The following BRCA2 variants were observed in gnomAD, a reference collection of about 807,000 sequenced individuals.
BRCA2 encodes breast cancer type 2 susceptibility protein.
In BRCA2, 203 loss-of-function variants were observed where a neutral mutation model predicts 276.7. The observed-to-expected ratio is 0.73, with a 90% confidence interval of 0.65 to 0.82. The LOEUF (loss-of-function observed/expected upper bound fraction) is 0.82, where lower values mean the gene tolerates loss of function less well. Ranked by LOEUF, BRCA2 falls within the 40% of genes least tolerant of loss-of-function variation. The probability of loss-of-function intolerance (pLI) is 0.00; values close to 1 mark genes in which losing one functional copy is unlikely to be tolerated. For synonymous variants in BRCA2, 1,289 were observed against 1,338.4 expected (o/e 0.96, Z 0.81); for missense variants, 3,920 against 3,915.0 (o/e 1.00, Z -0.03).
At chr13:32,325,258 T>A (rs2072336160) in intron 4 of BRCA2, 74 bp downstream of exon 4, 2 of 1,167,108 alleles carry the variant, frequency 1.7e-6, no homozygotes, top group East Asian at 2.6e-5. Context: ...TAAAGATGAA[T>A]CTGATTTTTA....
Position 32,379,453 on chromosome 13 carries a change from G to C in BRCA2, c.8891G>C (p.Arg2964Thr), listed in dbSNP as rs1555288392. The change falls in exon 22 of 27, where the codon AGG becomes ACG. Residue 2964 changes from arginine to threonine, a missense_variant. Physicochemically the swap from Arg to Thr is moderately conservative, Grantham distance 71 (BLOSUM62 -1). This residue lies in a region of BRCA2 where 657 missense variants were observed against 758.2 expected (regional missense o/e 0.87). Coordinates refer to ENST00000380152, the MANE Select transcript of BRCA2 (RefSeq NM_000059.4). ...GAACAAAAGGAACAAGGTTTATCAA[G>C]GGATGTCACAACCGTGTGGAAGTTG... ...SAEQKEQGLS[R>T]DVTTVWKLRI... 6.2e-7 allele frequency: 1 copy of C among 1,613,368 alleles called. No homozygotes were observed. Among genetic ancestry groups the C allele is most frequent in the East Asian group, 2.2e-5 (1 of 44,844 alleles).
In BRCA2 at chr13:32,338,871, T is replaced by C. The variant is rs876659011; in HGVS notation, c.4516T>C (p.Phe1506Leu). ...PVGTGNQLVT[F>L]QGQPERDEKI... The stretch of plus-strand genomic sequence containing the variant: ...TGGTACTGGAAATCAACTAGTGACC[T>C]TCCAGGGACAACCCGAACGTGATGA... Residue 1506 changes from phenylalanine to leucine, a missense_variant, in exon 11 of 27, where the codon TTC becomes CTC. By Grantham distance (22) the Phe-to-Leu change is conservative (BLOSUM62 0). This residue lies in a region of BRCA2 where 3,263 missense variants were observed against 3,156.9 expected (regional missense o/e 1.03). Coordinates refer to ENST00000380152, the MANE Select transcript of BRCA2 (RefSeq NM_000059.4). 3 of 1,613,958 alleles carry C rather than the reference T, an allele frequency of 1.9e-6. No homozygotes were observed. The highest frequency in any genetic ancestry group is 1.6e-4 in the Middle Eastern group (1 of 6,062).
intron 24 of BRCA2, 110 bp from the exon 25 acceptor site, chr13:32,394,578 TA>T: frequency 1.5e-6 from 2 of 1,326,390 alleles, no homozygotes; most frequent in Non-Finnish European, 2.1e-6. Context: ...GATTTGCTTT[TA>T]TTATTAGCAT....
At chr13:32,362,310 A>T (rs952852090) in intron 16 of BRCA2, among the ~76,000 whole-genome samples, 1 of 152,218 alleles carries the variant, frequency 6.6e-6, no homozygotes, top group African/African-American at 2.4e-5. Context: ...GAGTATAGGC[A>T]TGAGCCACCA....
chr13:32,333,207 G>T lies in BRCA2; in HGVS notation c.1729G>T (p.Ala577Ser), dbSNP rs2072420568. 6.2e-7 allele frequency: 1 copy of T among 1,613,548 alleles called. No homozygotes were observed. Among genetic ancestry groups the T allele is most frequent in the Non-Finnish European group, 8.5e-7 (1 of 1,179,622 alleles). ...ACAGAATTCTGTAGCTTTGAAGAAT[G>T]CAGGTTTAATATCCACTTTGAAAAA... ...TTQNSVALKN[A>S]GLISTLKKKT... Residue 577 changes from alanine to serine, a missense_variant, in exon 10 of 27, where the codon GCA becomes TCA. Coordinates refer to ENST00000380152, the MANE Select transcript of BRCA2 (RefSeq NM_000059.4).
rs80358591 is a variant in BRCA2, at chr13:32,337,806, A to G, written c.3451A>G (p.Ile1151Val). Residue 1151 changes from isoleucine (I) to valine (V), a missense_variant, in exon 11 of 27, where the codon ATC (isoleucine) becomes GTC (valine). By Grantham distance (29) the Ile-to-Val change is conservative. This residue lies in a region of BRCA2 where 3,263 missense variants were observed against 3,156.9 expected (regional missense o/e 1.03). Coordinates refer to ENST00000380152, the MANE Select transcript of BRCA2 (RefSeq NM_000059.4). ...TGAAGTGCCTGAAAACCAGATGACT[A>G]TCTTAAAGACCACTTCTGAGGAATG... ...TFEVPENQMT[I>V]LKTTSEECRD... 4 of 1,613,996 alleles carry G rather than the reference A, an allele frequency of 2.5e-6. No homozygotes were observed. The highest frequency in any genetic ancestry group is 2.7e-5 in the African/African-American group (2 of 74,932).
intron 20 of BRCA2, 141 bp from the exon 21 acceptor site, chr13:32,376,529 A>AG (rs2072872758): frequency 1.0e-6 from 1 of 994,196 alleles, no homozygotes; most frequent in Non-Finnish European, 1.5e-6. Context: ...CTCAAAAAAA[A>AG]AAAAAAGAAA....
At position 32,356,557 on chromosome 13, in the gene BRCA2, C is replaced by T. The variant is rs80358985; in HGVS notation, c.7565C>T (p.Ser2522Phe). 36 of 1,614,240 alleles carry T rather than the reference C, an allele frequency of 2.2e-5. No individual in the cohort carries two copies. Among genetic ancestry groups the T allele is most frequent in the Non-Finnish European group, 2.8e-5 (33 of 1,180,034 alleles). The change falls in exon 15 of 27, where the codon TCT (serine) becomes TTT (phenylalanine). Residue 2522 changes from serine to phenylalanine, a missense_variant. Coordinates refer to ENST00000380152, the MANE Select transcript of BRCA2 (RefSeq NM_000059.4). ...AAAACATCCACTCTGCCTCGAATCT[C>T]TCTGAAAGCAGCAGTAGGAGGCCAA... ...LAKTSTLPRI[S>F]LKAAVGGQVP...
In BRCA2 at chr13:32,341,103, A is replaced by G. The variant is rs80358899; in HGVS notation, c.6748A>G (p.Thr2250Ala). 175 of 1,613,990 alleles carry G rather than the reference A, an allele frequency of 1.1e-4. No individual in the cohort carries two copies. Among genetic ancestry groups the G allele is most frequent in the Admixed American group, 1.3e-4 (8 of 60,018 alleles). The change falls in exon 11 of 27, where the codon ACA becomes GCA. Residue 2250 changes from threonine to alanine, a missense_variant. Thr to Ala is a moderately conservative substitution (Grantham distance 58). Around this residue, in one of 2 missense-constraint regions of BRCA2, gnomAD observed 3,263 missense variants for 3,156.9 expected, o/e 1.03. Transcript: ENST00000380152. ...AGATTCTAAACTGCCAAGTCATGCC[A>G]CACATTCTCTTTTTACATGTCCCGA... ...LTDSKLPSHATHSLFTCPENE... is the reference protein window; with the variant it reads ...LTDSKLPSHAAHSLFTCPENE...
At chr13:32,319,523 C>A (rs766507260) in intron 3 of BRCA2, among the ~76,000 whole-genome samples, 198 bp downstream of exon 3, 1 of 152,152 alleles carries the variant, frequency 6.6e-6, no homozygotes, top group Non-Finnish European at 1.5e-5. Context: ...AATGTAGGTA[C>A]TTAGTAAATG....
chr13:32,345,586 G>A (rs1254517141), intron 12 of BRCA2, among the ~76,000 whole-genome samples: 1 of 151,886 alleles, frequency 6.6e-6, no homozygotes, highest in African/African-American at 2.4e-5. Flanking sequence ...GAGTATATAG[G>A]TTGAGTATCC....
chr13:32,390,745 G>A (rs1333899587), intron 24 of BRCA2, among the ~76,000 whole-genome samples: 1 of 152,148 alleles, frequency 6.6e-6, no homozygotes, highest in Non-Finnish European at 1.5e-5. Context: ...TTCTGAATAA[G>A]CCACCTACTA....
rs529432618 is a variant in BRCA2, at chr13:32,378,807, G to A, written c.8755-510G>A. 4.6e-5 allele frequency among the ~76,000 whole-genome samples: 7 copies of A among 152,246 alleles called. No individual in the cohort carries two copies. The East Asian group carries it at 1.2e-3, about 25-fold the overall frequency. ...ATAAAAGTATGTTTAGTACATATCT[G>A]TTTTAAATTGTATCTACTATTTCAA... On this transcript the variant is annotated intron_variant, in intron 21 of 26. Coordinates refer to ENST00000380152, the MANE Select transcript of BRCA2 (RefSeq NM_000059.4).
intron 24 of BRCA2, 22 bp downstream of exon 24, chr13:32,380,167 T>G: frequency 6.3e-7 from 1 of 1,588,054 alleles, no homozygotes; most frequent in Non-Finnish European, 8.6e-7. Context: ...TATAGTTAAT[T>G]TTTTTTATTG....
At position 32,333,013 on chromosome 13, in the gene BRCA2, C is replaced by G. The variant is rs1184226464; in HGVS notation, c.1535C>G (p.Pro512Arg). Reference sequence around the variant, plus strand: ...TCTATATTCAGAATAAGAGAATCACCTAAAGAGACTTTCAATGCAAGTTTT... The same window carrying G: ...TCTATATTCAGAATAAGAGAATCACGTAAAGAGACTTTCAATGCAAGTTTT... ...KKSIFRIRES[P>R]KETFNASFSG... Residue 512 changes from proline to arginine, a missense_variant, in exon 10 of 27, where the codon CCT becomes CGT. Physicochemically the swap from Pro to Arg is moderately radical, Grantham distance 103 (BLOSUM62 -2). Transcript: ENST00000380152. The G allele has an allele frequency of 1.3e-6, 2 of 1,596,072 alleles. No homozygotes were observed. The highest frequency in any genetic ancestry group is 2.2e-5 in the East Asian group (1 of 44,794).
At chr13:32,322,476 C>A (rs770478001) in intron 3 of BRCA2, among the ~76,000 whole-genome samples, 15 of 152,030 alleles carry the variant, frequency 9.9e-5, no homozygotes, top group Admixed American at 2.6e-4. Flanking sequence ...AGGGCTGGGC[C>A]GAAGTAAAGG....
rs587780665 is a variant in BRCA2 at position 32,394,822 on chromosome 13, A to G, written c.9390A>G (p.Glu3130=). 5.0e-6 allele frequency: 8 copies of G among 1,614,002 alleles called. No individual in the cohort carries two copies. Among genetic ancestry groups the G allele is most frequent in the South Asian group, 3.3e-5 (3 of 91,088 alleles). Residue 3130 remains glutamate, a synonymous_variant, in exon 25 of 27, where the codon GAA becomes GAG. Coordinates refer to ENST00000380152, the MANE Select transcript of BRCA2 (RefSeq NM_000059.4). ...CAAGCAACCTCCAGTGGCGACCAGA[A>G]TCCAAATCAGGCCTTCTTACTTTAT... ...IAASNLQWRP[E]SKSGLLTLFA...
At chr13:32,350,739 C>T (rs567815552) in intron 13 of BRCA2, among the ~76,000 whole-genome samples, 5 of 150,802 alleles carry the variant, frequency 3.3e-5, no homozygotes, top group Admixed American at 6.6e-5. Context: ...GGCGAGAGAG[C>T]GAGACTCCGT....
At chr13:32,357,671 A>T (rs1205572874) in intron 15 of BRCA2, 71 bp from the exon 16 acceptor site, 30 of 1,502,702 alleles carry the variant, frequency 2.0e-5, no homozygotes, top group Non-Finnish European at 2.6e-5. Flanking sequence ...GTTTGTTATA[A>T]TTGTTTTTAT....
Sources: allele counts gnomAD v4.1 joint callset (sites outside exome capture counted in the v4.1 genomes callset), GRCh38; gene constraint gnomAD v4.1.1; regional missense constraint gnomAD v4.1.1; transcripts MANE v1.5; gene names NCBI Gene and HGNC (gene_info 2026-07-23, HGNC 2026-07-21).